The following ADAMTS12 variants were observed in gnomAD, a reference collection of about 807,000 sequenced individuals.
The protein encoded by ADAMTS12 is ADAM metallopeptidase with thrombospondin type 1 motif 12.
Under a neutral mutation model 167.8 loss-of-function variants are expected in ADAMTS12, and 118 were observed. The ratio of observed to expected loss-of-function variants is 0.70; its 90% CI spans 0.61 to 0.82. The LOEUF (loss-of-function observed/expected upper bound fraction) is 0.82. ADAMTS12 is among the 40% of genes least tolerant of loss of function. The probability of loss-of-function intolerance (pLI) is 0.00; values close to 1 mark genes in which losing one functional copy is unlikely to be tolerated. For missense variants in ADAMTS12, 1,916 were observed against 1,998.8 expected, an observed-to-expected ratio of 0.96 and a Z score of 0.79; for synonymous variants, 704 against 716.9, an observed-to-expected ratio of 0.98 and a Z score of 0.29.
chr5:33,801,113 G>C (rs1006779095), intron 2 of ADAMTS12, among the ~76,000 whole-genome samples: 6 of 152,166 alleles, frequency 3.9e-5, no homozygotes, highest in African/African-American at 1.4e-4. Flanking sequence ...GAGGCAAGAA[G>C]CAAATTCCCC....
chr5:33,575,300 T>C (rs1338260420), intron 19 of ADAMTS12, among the ~76,000 whole-genome samples: 1 of 152,188 alleles, frequency 6.6e-6, no homozygotes, highest in Non-Finnish European at 1.5e-5. Flanking sequence ...TTAAACCAAG[T>C]CTCAAAACTA....
chr5:33,599,525 C>CTTTG (rs70964403), intron 16 of ADAMTS12, among the ~76,000 whole-genome samples: 74,799 of 151,714 alleles, frequency 0.49, 18,899 homozygotes, highest in South Asian at 0.62. Flanking sequence ...GGCACTATCT[C>CTTTG]TTTAACTGCT....
intron 3 of ADAMTS12, among the ~76,000 whole-genome samples, chr5:33,743,729 A>T (rs979535675): frequency 6.6e-6 from 1 of 152,104 alleles, no homozygotes; most frequent in Non-Finnish European, 1.5e-5. Context: ...CCATCCATCC[A>T]TCCATCCACC....
At chr5:33,653,147 T>A (rs188439298) in intron 7 of ADAMTS12, among the ~76,000 whole-genome samples, 12 of 152,262 alleles carry the variant, frequency 7.9e-5, no homozygotes, top group Non-Finnish European at 1.5e-4. Flanking sequence ...AAGTATAATA[T>A]TAGGTTTAAA....
chr5:33,801,011 C>A (rs1746984518), intron 2 of ADAMTS12, among the ~76,000 whole-genome samples: 2 of 152,112 alleles, frequency 1.3e-5, no homozygotes, highest in Admixed American at 1.3e-4. Context: ...TTGACACACA[C>A]AGAAGAGGAG....
At chr5:33,792,303 A>G (rs561234295) in intron 2 of ADAMTS12, among the ~76,000 whole-genome samples, 1 of 152,172 alleles carries the variant, frequency 6.6e-6, no homozygotes, top group South Asian at 2.1e-4. Context: ...GCCTGCTTTC[A>G]CTTTTAAGTC....
chr5:33,890,491 C>T (rs187455188), intron 1 of ADAMTS12, among the ~76,000 whole-genome samples: 2 of 152,122 alleles, frequency 1.3e-5, no homozygotes, highest in Non-Finnish European at 2.9e-5. Flanking sequence ...ATGAGTTGTC[C>T]AGCAATATTT....
intron 16 of ADAMTS12, among the ~76,000 whole-genome samples, chr5:33,610,985 G>A (rs72739422): frequency 0.24 from 35,710 of 151,910 alleles, 5,469 homozygotes; most frequent in Non-Finnish European, 0.34. Context: ...GAGATCGCTC[G>A]AACCCAGAGG....
intron 3 of ADAMTS12, among the ~76,000 whole-genome samples, chr5:33,735,921 G>A (rs1417592851): frequency 6.6e-6 from 1 of 151,996 alleles, no homozygotes; most frequent in Admixed American, 6.6e-5. Context: ...ATTTTTCCAG[G>A]GCCAGATAAC....
intron 1 of ADAMTS12, among the ~76,000 whole-genome samples, chr5:33,883,797 T>C (rs1226414935): frequency 6.6e-6 from 1 of 152,176 alleles, no homozygotes; most frequent in Non-Finnish European, 1.5e-5. Flanking sequence ...TAGTGTGCCA[T>C]GAACTGAGGT....
intron 20 of ADAMTS12, among the ~76,000 whole-genome samples, chr5:33,556,158 C>T (rs1337417848): frequency 1.3e-5 from 2 of 152,182 alleles, no homozygotes; most frequent in Admixed American, 6.6e-5. Context: ...TAAGTAGAGG[C>T]AATATCATCC....
At chr5:33,876,252 C>T (rs1397167854) in intron 2 of ADAMTS12, among the ~76,000 whole-genome samples, 1 of 152,064 alleles carries the variant, frequency 6.6e-6, no homozygotes, top group African/African-American at 2.4e-5. Flanking sequence ...TAATACAATT[C>T]CTGTTAAAAT....
intron 2 of ADAMTS12, among the ~76,000 whole-genome samples, chr5:33,805,322 T>C (rs1326777206): frequency 6.6e-6 from 1 of 152,194 alleles, no homozygotes. Context: ...TTAATTAGCA[T>C]AATGAATACT....
At chr5:33,891,520 T>G in intron 1 of ADAMTS12, 2 of 639,908 alleles carry the variant, frequency 3.1e-6, no homozygotes, top group South Asian at 4.6e-5. Context: ...GGTACTCACC[T>G]TTCTATAAGA....
chr5:33,547,384 T>G (rs999338423), intron 21 of ADAMTS12, among the ~76,000 whole-genome samples: 2 of 152,116 alleles, frequency 1.3e-5, no homozygotes, highest in African/African-American at 4.8e-5. Context: ...GCCCTCCAGG[T>G]TGTCCTGAAG....
At chr5:33,616,167 C>T (rs1739003026) in intron 14 of ADAMTS12, 95 bp from the exon 15 acceptor site, 10 of 1,501,516 alleles carry the variant, frequency 6.7e-6, no homozygotes, top group Non-Finnish European at 8.9e-6. Flanking sequence ...TTTCCAGCCT[C>T]CCCATCATTT....
At chr5:33,684,077 A>G (rs745706430) in intron 3 of ADAMTS12, 22 bp from the exon 4 acceptor site, 1 of 1,526,544 alleles carries the variant, frequency 6.6e-7, no homozygotes, top group Non-Finnish European at 8.8e-7. Flanking sequence ...ACAGAAGACA[A>G]TGGTCTAACA....
intron 5 of ADAMTS12, among the ~76,000 whole-genome samples, chr5:33,676,597 T>C (rs915449183): frequency 6.6e-6 from 1 of 151,622 alleles, no homozygotes; most frequent in African/African-American, 2.4e-5. Context: ...GGTGGGAGGA[T>C]GGCTTGACCC....
At chr5:33,765,833 A>G (rs774827751) in intron 2 of ADAMTS12, among the ~76,000 whole-genome samples, 5 of 152,224 alleles carry the variant, frequency 3.3e-5, no homozygotes, top group Non-Finnish European at 7.3e-5. Flanking sequence ...TCTATGTGAC[A>G]CACTTAATTT....
Sources: gnomAD v4.1 joint callset for allele counts (sites outside exome capture counted in the v4.1 genomes callset) on GRCh38, gnomAD v4.1.1 for gene constraint, MANE v1.5 for transcripts, NCBI Gene and HGNC (gene_info 2026-07-23, HGNC 2026-07-21) for gene names.